Variants in UBOX5 observed in about 807,000 individuals in gnomAD.
UBOX5 encodes RING finger protein 37.
Under a neutral mutation model 39.0 loss-of-function variants are expected in UBOX5, and 28 were observed. The ratio of observed to expected loss-of-function variants is 0.72; its 90% CI spans 0.53 to 0.98. UBOX5 has a LOEUF of 0.98. Among genes scored for constraint, UBOX5 ranks in the 50% least tolerant of loss-of-function variants. UBOX5 has a pLI of 0.00. For synonymous variants in UBOX5, 283 were observed against 275.5 expected (o/e 1.03, Z -0.27); for missense variants, 585 against 674.4 (o/e 0.87, Z 1.47).
chr20:3,137,790 T>C (rs575706027), intron 1 of UBOX5, among the ~76,000 whole-genome samples: 1 of 152,336 alleles, frequency 6.6e-6, no homozygotes, highest in Non-Finnish European at 1.5e-5. Context: ...CTTTAGAAAG[T>C]CTTTTATCTT....
chr20:3,158,315 G>A (rs943354439), intron 1 of UBOX5, among the ~76,000 whole-genome samples: 1 of 151,838 alleles, frequency 6.6e-6, no homozygotes, highest in African/African-American at 2.4e-5. Context: ...CATGATGAAT[G>A]GCAAGGCCTT....
chr20:3,146,482 T>C (rs983729771), intron 1 of UBOX5: 2 of 286,368 alleles, frequency 7.0e-6, no homozygotes, highest in African/African-American at 4.4e-5. Context: ...CTCTGTGACA[T>C]AAGGCTGGTA....
intron 1 of UBOX5, among the ~76,000 whole-genome samples, chr20:3,139,534 C>A (rs1235436833): frequency 6.6e-6 from 1 of 151,566 alleles, no homozygotes; most frequent in Non-Finnish European, 1.5e-5. Flanking sequence ...GGATTACAGG[C>A]ACCCACCACC....
rs1248862929 is a variant in UBOX5, at chr20:3,158,529, A to G, written c.-42+1237T>C. On this transcript the variant is annotated intron_variant, in intron 1 of 4. Transcript: ENST00000217173. ...CGCTCTCTCGCCCAGGCTGGAGTGC[A>G]GTGGCGCGATCTCGGCTCACTGCAC... 2.6e-5 allele frequency among the ~76,000 whole-genome samples: 4 copies of G among 151,994 alleles called. No homozygotes were observed. The East Asian group carries it at 5.8e-4, about 22-fold the overall frequency.
At chr20:3,145,960 T>C (rs1304236593) in intron 1 of UBOX5, among the ~76,000 whole-genome samples, 1 of 151,408 alleles carries the variant, frequency 6.6e-6, no homozygotes, top group Non-Finnish European at 1.5e-5. Context: ...GCAGGAGAAC[T>C]GCCTGAACCT....
In UBOX5 at chr20:3,121,659, C is replaced by T. The variant is rs779690705; in HGVS notation, c.980G>A (p.Arg327Gln). 15 of 1,613,342 alleles carry T rather than the reference C, an allele frequency of 9.3e-6. No homozygotes were observed. The highest frequency in any genetic ancestry group is 1.6e-4 in the Middle Eastern group (1 of 6,084). The change falls in exon 3 of 5, where the codon CGG (arginine) becomes CAG (glutamine). Residue 327 changes from arginine to glutamine, a missense_variant. Coordinates refer to ENST00000217173, the MANE Select transcript of UBOX5 (RefSeq NM_014948.4). ...QPLPHPSLKARIDHFLLQHSI... is the reference protein window; with the variant it reads ...QPLPHPSLKAQIDHFLLQHSI... The stretch of plus-strand genomic sequence containing the variant: ...GTGCTGGAGCAGGAAATGGTCAATC[C>T]GGGCCTTGAGGGAGGGGTGAGGCAG...
chr20:3,149,287 G>A lies in UBOX5; in HGVS notation c.-42+10479C>T. ...TGAAAAAAGGGTAGATGAAGAATGAGTGGCTTCTACCTATAAAAGCATCCA... is the reference window on the plus strand; with the variant it reads ...TGAAAAAAGGGTAGATGAAGAATGAATGGCTTCTACCTATAAAAGCATCCA... On this transcript the variant is annotated intron_variant, in intron 1 of 4. Transcript: ENST00000217173. The surrounding 1 kb of genome is among the most constrained non-coding windows in gnomAD (Gnocchi z 4.1). 1.8e-6 allele frequency: 1 copy of A among 548,614 alleles called. No homozygotes were observed. The highest frequency in any genetic ancestry group is 3.2e-6 in the Non-Finnish European group (1 of 308,562). 34.0% of individuals were successfully genotyped at this position (548,614 alleles called of 1,614,324 possible). A position where few individuals can be genotyped will look rare whatever the true frequency, so the allele number is the denominator to read the frequency against.
chr20:3,142,809 T>C (rs57046583), intron 1 of UBOX5, among the ~76,000 whole-genome samples: 6,297 of 146,960 alleles, frequency 0.043, 414 homozygotes, highest in African/African-American at 0.14. Flanking sequence ...TATGTGTATA[T>C]ACCCAATGGT....
chr20:3,143,081 C>T (rs1043798769), intron 1 of UBOX5, among the ~76,000 whole-genome samples: 7 of 144,448 alleles, frequency 4.8e-5, no homozygotes, highest in African/African-American at 1.8e-4. Flanking sequence ...AGCACAATAG[C>T]AGGTTAATCA....
intron 1 of UBOX5, among the ~76,000 whole-genome samples, chr20:3,125,066 G>C (rs189024685): frequency 7.7e-4 from 112 of 145,268 alleles, no homozygotes; most frequent in African/African-American, 2.8e-3. Flanking sequence ...GAGCATCTCT[G>C]CCTGGCCGCC....
Position 3,121,802 on chromosome 20 carries a change from G to C in UBOX5, c.837C>G (p.Pro279=). The C allele has an allele frequency of 6.2e-7, 1 of 1,614,148 alleles. No individual in the cohort carries two copies. Among genetic ancestry groups the C allele is most frequent in the African/African-American group, 1.3e-5 (1 of 75,064 alleles). Residue 279 remains proline (P), a synonymous_variant, in exon 3 of 5, where the codon CCC becomes CCG. Coordinates refer to ENST00000217173, the MANE Select transcript of UBOX5 (RefSeq NM_014948.4). The part of the protein sequence containing the change: ...LEIMPCPMLL[P]SGKVIDQSTL... Reference sequence around the variant, plus strand: ...TGCTCTGGTCGATGACCTTGCCTGAGGGCAGCAGCATGGGACAAGGCATGA... The same window carrying C: ...TGCTCTGGTCGATGACCTTGCCTGACGGCAGCAGCATGGGACAAGGCATGA...
intron 3 of UBOX5, 41 bp downstream of exon 3, chr20:3,121,343 A>T: frequency 6.4e-7 from 1 of 1,570,072 alleles, no homozygotes. Context: ...CCTGGGAAGG[A>T]GATGGATGAG....
intron 1 of UBOX5, among the ~76,000 whole-genome samples, chr20:3,139,061 C>T (rs541084548): frequency 3.3e-5 from 5 of 152,340 alleles, no homozygotes; most frequent in Middle Eastern, 3.4e-3. Context: ...AATATCAATG[C>T]ACTGAGCAAT....
chr20:3,110,711 A>G (rs12480378), intron 4 of UBOX5: 34,742 of 268,940 alleles, frequency 0.13, 3,246 homozygotes, highest in East Asian at 0.41. Context: ...AGAGAAGGAA[A>G]AGGCAGGTCA....
chr20:3,148,304 C>T (rs774251244), intron 1 of UBOX5: 27 of 1,612,828 alleles, frequency 1.7e-5, no homozygotes, highest in Middle Eastern at 1.6e-4. Context: ...AGGTACTTTG[C>T]GGCCTAAGTA....
intron 1 of UBOX5, among the ~76,000 whole-genome samples, chr20:3,124,215 G>GCCTCTCC (rs1229425912): frequency 3.3e-5 from 5 of 151,976 alleles, no homozygotes; most frequent in South Asian, 2.1e-4. Context: ...AAAAAGAAAA[G>GCCTCTCC]CCTCTCCCCT....
chr20:3,133,318 A>G (rs1364587762), intron 1 of UBOX5, among the ~76,000 whole-genome samples: 1 of 152,212 alleles, frequency 6.6e-6, no homozygotes, highest in African/African-American at 2.4e-5. Context: ...CCTAGCCCAG[A>G]AAGACGGCCT....
Position 3,109,622 on chromosome 20 carries a change from C to A in UBOX5, c.*484G>T. On this transcript the variant is annotated 3_prime_UTR_variant, in exon 5 of 5. Transcript: ENST00000217173. The stretch of plus-strand genomic sequence containing the variant: ...GAGGAAACCCACAGCAGACGTCAAC[C>A]ATCGCTTTATTAAGGCTGCGAGTCG... 5.5e-6 allele frequency: 1 copy of A among 181,842 alleles called. No homozygotes were observed. Among genetic ancestry groups the A allele is most frequent in the South Asian group, 1.2e-4 (1 of 8,240 alleles). 11.3% of individuals were successfully genotyped at this position (181,842 alleles called of 1,614,324 possible).
intron 1 of UBOX5, among the ~76,000 whole-genome samples, chr20:3,128,757 G>A (rs778238755): frequency 2.6e-5 from 4 of 152,094 alleles, no homozygotes; most frequent in African/African-American, 7.2e-5. Context: ...CAGCTACTTG[G>A]GAGGCGGAGG....
Sources: allele counts gnomAD v4.1 joint callset (sites outside exome capture counted in the v4.1 genomes callset), GRCh38; gene constraint gnomAD v4.1.1; non-coding constraint Gnocchi (gnomAD v3.1); transcripts MANE v1.5; gene names NCBI Gene and HGNC (gene_info 2026-07-23, HGNC 2026-07-21).